CD38: variants seen among roughly 807,000 people sequenced by gnomAD.
The protein encoded by CD38 is ADP-ribosyl cyclase/cyclic ADP-ribose hydrolase 1.
A neutral mutation model predicts 36.3 loss-of-function variants in CD38; 31 were observed. The observed-to-expected ratio is 0.85, with a 90% CI of 0.64 to 1.15. The LOEUF (loss-of-function observed/expected upper bound fraction) is 1.15. CD38 is among the 50% of genes most tolerant of loss of function. The pLI is 0.00. For synonymous variants in CD38, 131 were observed against 135.2 expected (o/e 0.97, Z 0.22); for missense variants, 380 against 371.9 (o/e 1.02, Z -0.18).
At chr4:15,788,329 C>T (rs192395946) in intron 1 of CD38, among the ~76,000 whole-genome samples, 1 of 152,250 alleles carries the variant, frequency 6.6e-6, no homozygotes, top group East Asian at 1.9e-4. Flanking sequence ...GGTGACATTT[C>T]CTTGTGATTC....
chr4:15,806,867 T>G (rs1452180684), intron 1 of CD38, among the ~76,000 whole-genome samples: 2 of 152,204 alleles, frequency 1.3e-5, no homozygotes, highest in Non-Finnish European at 2.9e-5. Flanking sequence ...TTCTCCAGCC[T>G]TCTAGGTAAA....
rs1724382196 is a variant in CD38, at chr4:15,851,337, T to G, written c.*2735T>G. On this transcript the variant is annotated 3_prime_UTR_variant, in exon 8 of 8. Transcript: ENST00000226279. Reference sequence around the variant, plus strand: ...CTTTTCCTATAAGTGACTTCTCTACTGGATTACTGGTTGCTCATACACCTC... The same window carrying G: ...CTTTTCCTATAAGTGACTTCTCTACGGGATTACTGGTTGCTCATACACCTC... 1 of 152,222 alleles carries G rather than the reference T, an allele frequency of 6.6e-6. No individual in the cohort carries two copies. The highest frequency in any genetic ancestry group is 1.5e-5 in the Non-Finnish European group (1 of 68,042). The allele number at this position is 152,222 out of a possible 1,614,324, so 9.4% of individuals were successfully genotyped here. A position where few individuals can be genotyped will look rare whatever the true frequency, so the allele number is the denominator to read the frequency against.
At chr4:15,810,347 T>A (rs962603710) in intron 1 of CD38, among the ~76,000 whole-genome samples, 1 of 152,228 alleles carries the variant, frequency 6.6e-6, no homozygotes, top group African/African-American at 2.4e-5. Flanking sequence ...TCAGTGCACA[T>A]GAATTTCTCT....
chr4:15,791,352 T>G (rs1214817754), intron 1 of CD38, among the ~76,000 whole-genome samples: 157 of 15,732 alleles, frequency 1.0e-2, no homozygotes, highest in Admixed American at 0.013. Flanking sequence ...AGGGAGGTGG[T>G]GGGGGTCAGC....
chr4:15,821,531 CAGAGAATACTATAAA>C (rs1723734404), intron 2 of CD38, among the ~76,000 whole-genome samples: 1 of 151,896 alleles, frequency 6.6e-6, no homozygotes, highest in African/African-American at 2.4e-5. Flanking sequence ...AAACAACCAT[CAGAGAATACTATAAA>C]TACCTCTATG....
intron 6 of CD38, 52 bp from the exon 7 acceptor site, chr4:15,840,399 CA>C: frequency 1.6e-6 from 2 of 1,251,424 alleles, no homozygotes; most frequent in Non-Finnish European, 1.2e-6. Flanking sequence ...AAAGAGACTC[CA>C]AAAATGTTTG....
At chr4:15,826,616 A>T (rs186244985) in intron 3 of CD38, among the ~76,000 whole-genome samples, 1 of 152,126 alleles carries the variant, frequency 6.6e-6, no homozygotes, top group African/African-American at 2.4e-5. Flanking sequence ...TCAAGAGTAT[A>T]TATATGAGGC....
At chr4:15,792,977 T>G (rs1400838104) in intron 1 of CD38, among the ~76,000 whole-genome samples, 2 of 152,252 alleles carry the variant, frequency 1.3e-5, no homozygotes, top group Non-Finnish European at 2.9e-5. Context: ...TATTAATTTA[T>G]TAAACAGACT....
chr4:15,782,188 G>C (rs1030344872), intron 1 of CD38, among the ~76,000 whole-genome samples: 1 of 152,176 alleles, frequency 6.6e-6, no homozygotes, highest in Non-Finnish European at 1.5e-5. Flanking sequence ...AGCCTGGCAA[G>C]CCCACTCAAA....
intron 1 of CD38, among the ~76,000 whole-genome samples, chr4:15,799,069 CT>C (rs1723160675): frequency 1.3e-5 from 2 of 152,068 alleles, no homozygotes; most frequent in African/African-American, 4.8e-5. Context: ...CCTTTTGTAT[CT>C]TATTTAAGAA....
At position 15,838,167 on chromosome 4, in the gene CD38, T is replaced by A; in HGVS notation, c.659+2T>A. 1 of 1,604,288 alleles carries A rather than the reference T, an allele frequency of 6.2e-7. No homozygotes were observed. Among genetic ancestry groups the A allele is most frequent in the Non-Finnish European group, 8.5e-7 (1 of 1,171,144 alleles). Reference sequence around the variant, plus strand: ...CAGTAAAATCTTTGACAAAAACAGGTACACATTTATTTTGCATCCTGTTTG... The same window carrying A: ...CAGTAAAATCTTTGACAAAAACAGGAACACATTTATTTTGCATCCTGTTTG... On this transcript the variant is annotated splice_donor_variant, in intron 5 of 7. Coordinates refer to ENST00000226279, the MANE Select transcript of CD38 (RefSeq NM_001775.4). LOFTEE classifies it high-confidence loss of function.
In CD38 at chr4:15,791,899, C is replaced by G. The variant is rs1355669326; in HGVS notation, c.233+13252C>G. 8.9e-5 allele frequency among the ~76,000 whole-genome samples: 8 copies of G among 89,672 alleles called. No individual in the cohort carries two copies. In the South Asian group the frequency reaches 2.3e-3, roughly 25 times the overall value. 58.8% of individuals were successfully genotyped at this position (89,672 alleles called of 152,430 possible). A position where few individuals can be genotyped will look rare whatever the true frequency, so the allele number is the denominator to read the frequency against. ...CTGGGAAGTGAGGAGCCCCTCTGCC[C>G]GGCCAGGACCCCGTCTGGGAGGTGT... On this transcript the variant is annotated intron_variant, in intron 1 of 7. Coordinates refer to ENST00000226279, the MANE Select transcript of CD38 (RefSeq NM_001775.4).
At chr4:15,823,633 A>G (rs1723785780) in intron 2 of CD38, among the ~76,000 whole-genome samples, 2 of 152,190 alleles carry the variant, frequency 1.3e-5, no homozygotes, top group South Asian at 4.1e-4. Flanking sequence ...CATGCCAGTC[A>G]GAATGGCATT....
chr4:15,784,114 G>A (rs544050983), intron 1 of CD38, among the ~76,000 whole-genome samples: 10 of 152,306 alleles, frequency 6.6e-5, no homozygotes, highest in Admixed American at 3.3e-4. Context: ...CAGCCAAGAG[G>A]TCACTGAGGA....
chr4:15,808,673 G>A (rs1723398316), intron 1 of CD38, among the ~76,000 whole-genome samples: 1 of 152,170 alleles, frequency 6.6e-6, no homozygotes, highest in Non-Finnish European at 1.5e-5. Context: ...CATTGAAGAT[G>A]CCCTGGTTTT....
intron 1 of CD38, among the ~76,000 whole-genome samples, chr4:15,804,451 T>A (rs6836374): frequency 1.3e-5 from 2 of 152,076 alleles, no homozygotes; most frequent in Admixed American, 6.5e-5. Context: ...TAAAATCATA[T>A]GTCGAAGAGA....
In CD38 at chr4:15,822,542, C is replaced by T. The variant is rs563296946; in HGVS notation, c.364-2339C>T. On this transcript the variant is annotated intron_variant, in intron 2 of 7. Transcript: ENST00000226279. The stretch of plus-strand genomic sequence containing the variant: ...CAAAAATCACAAGCATTCCTGTACA[C>T]CAACAACACGCAAGCAGAGAGCCAA... 6.6e-5 allele frequency among the ~76,000 whole-genome samples: 10 copies of T among 152,110 alleles called. No individual in the cohort carries two copies. The East Asian group carries it at 1.9e-3, about 29-fold the overall frequency.
chr4:15,834,904 A>ATTTT (rs758827647), intron 4 of CD38, among the ~76,000 whole-genome samples: 4 of 152,178 alleles, frequency 2.6e-5, no homozygotes, highest in East Asian at 1.9e-4. Flanking sequence ...ATTTTTTTTA[A>ATTTT]AAAAATTGAT....
chr4:15,789,470 G>A (rs1424563696), intron 1 of CD38, among the ~76,000 whole-genome samples: 2 of 152,122 alleles, frequency 1.3e-5, no homozygotes, highest in Non-Finnish European at 2.9e-5. Flanking sequence ...TTCTCAGGGC[G>A]ATAAAAAGCC....
Sources: gnomAD v4.1 joint callset for allele counts (sites outside exome capture counted in the v4.1 genomes callset) on GRCh38, gnomAD v4.1.1 for gene constraint, MANE v1.5 for transcripts, NCBI Gene and HGNC (gene_info 2026-07-23, HGNC 2026-07-21) for gene names.